The following PAX7 variants were observed in gnomAD, a reference collection of about 807,000 sequenced individuals.
The protein encoded by PAX7 is paired box 7.
In PAX7, 18 loss-of-function variants were observed where a neutral mutation model predicts 50.7. The ratio of observed to expected loss-of-function variants is 0.36; its 90% CI spans 0.25 to 0.53. PAX7 has a LOEUF of 0.53. Among genes scored for constraint, PAX7 ranks in the 20% least tolerant of loss-of-function variants. PAX7 has a pLI of 0.93. For synonymous variants in PAX7, 310 were observed against 290.4 expected, an observed-to-expected ratio of 1.07 and a Z score of -0.69; for missense variants, 644 against 702.9, an observed-to-expected ratio of 0.92 and a Z score of 0.95.
At chr1:18,692,790 A>T (rs576319465) in intron 5 of PAX7, among the ~76,000 whole-genome samples, 5 of 152,210 alleles carry the variant, frequency 3.3e-5, no homozygotes, top group Middle Eastern at 3.4e-3. Context: ...GCCCCCAAAG[A>T]CCCTGAACAT....
intron 4 of PAX7, among the ~76,000 whole-genome samples, chr1:18,667,162 G>T (rs905180268): frequency 6.6e-6 from 1 of 152,138 alleles, no homozygotes; most frequent in Non-Finnish European, 1.5e-5. Context: ...TTCAAGTCCT[G>T]ACCCTAGCTG....
At chr1:18,645,385 G>A (rs1427176045) in intron 4 of PAX7, among the ~76,000 whole-genome samples, 1 of 152,224 alleles carries the variant, frequency 6.6e-6, no homozygotes, top group Non-Finnish European at 1.5e-5. Flanking sequence ...GAGCGGGACA[G>A]AAAAAGGGGT....
chr1:18,741,286 T>C (rs1287597207), intron 8 of PAX7, among the ~76,000 whole-genome samples: 2 of 151,794 alleles, frequency 1.3e-5, no homozygotes, highest in Non-Finnish European at 2.9e-5. Context: ...CCATCTCTAC[T>C]AAAAAATACA....
intron 7 of PAX7, 116 bp downstream of exon 7, chr1:18,703,412 G>A (rs530361025): frequency 1.1e-4 from 106 of 928,834 alleles, no homozygotes; most frequent in Non-Finnish European, 1.6e-4. Flanking sequence ...CTGCGGTTGG[G>A]GTTTTTGTTC....
chr1:18,650,071 C>T (rs960217239), intron 4 of PAX7, among the ~76,000 whole-genome samples: 4 of 152,116 alleles, frequency 2.6e-5, no homozygotes, highest in Admixed American at 6.5e-5. Flanking sequence ...GAGGAAACTC[C>T]GGGGAGGCAG....
intron 7 of PAX7, among the ~76,000 whole-genome samples, chr1:18,712,807 T>A (rs1557546076): frequency 6.6e-6 from 1 of 151,854 alleles, no homozygotes; most frequent in Non-Finnish European, 1.5e-5. Context: ...TGGGGCCGGG[T>A]GTGGTGGCTC....
intron 1 of PAX7, among the ~76,000 whole-genome samples, chr1:18,633,776 G>T (rs1484028668): frequency 6.6e-6 from 1 of 152,168 alleles, no homozygotes; most frequent in African/African-American, 2.4e-5. Flanking sequence ...GGCCTTTCTA[G>T]CCCCCAACAA....
intron 8 of PAX7, among the ~76,000 whole-genome samples, chr1:18,740,871 T>G (rs995619921): frequency 1.3e-5 from 2 of 152,168 alleles, no homozygotes; most frequent in African/African-American, 2.4e-5. Context: ...TGCAGGTCAT[T>G]TTGTTAAGTA....
chr1:18,676,187 A>G (rs1256606801), intron 4 of PAX7, among the ~76,000 whole-genome samples: 2 of 152,148 alleles, frequency 1.3e-5, no homozygotes, highest in African/African-American at 2.4e-5. Context: ...TCCCCCTGCC[A>G]TCTTCGCCTT....
rs532029918 is a variant in PAX7 at position 18,630,944 on chromosome 1, C to T, written c.-660C>T. The T allele has an allele frequency of 2.0e-4, 41 of 207,120 alleles. No homozygotes were observed. In the Admixed American group the frequency reaches 2.3e-3, roughly 12 times the overall value. 12.8% of individuals were successfully genotyped at this position (207,120 alleles called of 1,614,324 possible). On this transcript the variant is annotated 5_prime_UTR_variant, in exon 1 of 9. Transcript: ENST00000420770. ...TCACCCCCTGTCTCCTCCGTCCAGC[C>T]CTGAAACCCGAGGAGGCTCCTTCTT...
chr1:18,711,034 C>T (rs2089345444), intron 7 of PAX7, among the ~76,000 whole-genome samples: 1 of 152,188 alleles, frequency 6.6e-6, no homozygotes, highest in Non-Finnish European at 1.5e-5. Flanking sequence ...TCCTGCTGCC[C>T]GCTTCCTCCC....
At chr1:18,707,102 A>G (rs2089293637) in intron 7 of PAX7, among the ~76,000 whole-genome samples, 2 of 152,246 alleles carry the variant, frequency 1.3e-5, no homozygotes, top group Non-Finnish European at 2.9e-5. Context: ...TAGAGAATCT[A>G]CTATGTGCCA....
chr1:18,733,896 C>A (rs955168102), intron 7 of PAX7, among the ~76,000 whole-genome samples: 1 of 152,120 alleles, frequency 6.6e-6, no homozygotes, highest in Non-Finnish European at 1.5e-5. Context: ...CCTTTGCGGG[C>A]CTCAGTTTTT....
chr1:18,692,271 G>C (rs1422554166), intron 5 of PAX7, among the ~76,000 whole-genome samples: 1 of 150,414 alleles, frequency 6.6e-6, no homozygotes, highest in African/African-American at 2.5e-5. Flanking sequence ...GCCAGGTGTG[G>C]TGGCTCACAC....
At chr1:18,647,573 G>A (rs2088365898) in intron 4 of PAX7, among the ~76,000 whole-genome samples, 1 of 152,164 alleles carries the variant, frequency 6.6e-6, no homozygotes, top group African/African-American at 2.4e-5. Flanking sequence ...GTAATTTTGA[G>A]TGAAGCATTC....
In PAX7 at chr1:18,702,029, A is replaced by G. The variant is rs566609980; in HGVS notation, c.953-1065A>G. 2.7e-3 allele frequency among the ~76,000 whole-genome samples: 410 copies of G among 152,198 alleles called. 2 individuals carry two copies. Among genetic ancestry groups the G allele is most frequent in the Non-Finnish European group, 4.6e-3 (315 of 68,016 alleles). ...TGTCCCAGCACACACCAGGAATACC[A>G]CTACTTGATATTGGCCTCATGGGCT... is the stretch of plus-strand genomic sequence containing the variant. On this transcript the variant is annotated intron_variant, in intron 6 of 8. Coordinates refer to ENST00000420770, the MANE Select transcript of PAX7 (RefSeq NM_001135254.2).
chr1:18,684,125 A>C (rs1447685832), intron 4 of PAX7, among the ~76,000 whole-genome samples: 3 of 152,192 alleles, frequency 2.0e-5, no homozygotes, highest in Non-Finnish European at 4.4e-5. Context: ...GCATGGGCAG[A>C]GGGCACAGCC....
chr1:18,661,472 C>T (rs1037777087), intron 4 of PAX7, among the ~76,000 whole-genome samples: 6 of 152,324 alleles, frequency 3.9e-5, no homozygotes, highest in African/African-American at 1.2e-4. Context: ...CTGAGAGGAT[C>T]GAACTGGCCT....
intron 4 of PAX7, among the ~76,000 whole-genome samples, chr1:18,646,240 G>T (rs2088335866): frequency 6.6e-6 from 1 of 152,124 alleles, no homozygotes; most frequent in Admixed American, 6.5e-5. Flanking sequence ...TTTAATAAAT[G>T]GGGCTGAACC....
Sources: gnomAD v4.1 joint callset for allele counts (sites outside exome capture counted in the v4.1 genomes callset) on GRCh38, gnomAD v4.1.1 for gene constraint, MANE v1.5 for transcripts, NCBI Gene and HGNC (gene_info 2026-07-23, HGNC 2026-07-21) for gene names.